Variants in COG5 observed in about 807,000 individuals in gnomAD.
COG5 encodes the protein component of oligomeric golgi complex 5.
In COG5, 86 loss-of-function variants were observed where a neutral mutation model predicts 110.4. That is an observed-to-expected ratio of 0.78 (90% CI 0.65 to 0.93). The LOEUF (loss-of-function observed/expected upper bound fraction) is 0.93, where lower values mean the gene tolerates loss of function less well. COG5 is among the 40% of genes least tolerant of loss of function. The pLI, the probability that COG5 is intolerant of heterozygous loss-of-function variation, is 0.00. For missense variants in COG5, 1,077 were observed against 987.0 expected (o/e 1.09, Z -1.22); for synonymous variants, 360 against 334.6 (o/e 1.08, Z -0.83).
At chr7:107,204,660 A>C (rs1487012482) in intron 21 of COG5, among the ~76,000 whole-genome samples, 1 of 152,200 alleles carries the variant, frequency 6.6e-6, no homozygotes, top group Non-Finnish European at 1.5e-5. Flanking sequence ...GGTTTGTTCA[A>C]GATTTTTCAT....
intron 6 of COG5, chr7:107,470,271 A>G (rs1474129908): frequency 6.6e-6 from 1 of 152,246 alleles, no homozygotes; most frequent in African/African-American, 2.4e-5. Flanking sequence ...TCCATACATT[A>G]GCAGTACTGC....
At chr7:107,401,844 A>G (rs539228418) in intron 7 of COG5, among the ~76,000 whole-genome samples, 7 of 152,210 alleles carry the variant, frequency 4.6e-5, no homozygotes, top group Non-Finnish European at 7.4e-5. Flanking sequence ...AAACATCCCA[A>G]AACAATTGCT....
intron 14 of COG5, among the ~76,000 whole-genome samples, chr7:107,268,893 G>A (rs1336275216): frequency 2.0e-5 from 3 of 152,034 alleles, no homozygotes; most frequent in Non-Finnish European, 1.5e-5. Flanking sequence ...TATGTCACAC[G>A]AAGCTGAATT....
intron 6 of COG5, among the ~76,000 whole-genome samples, chr7:107,479,871 TA>T (rs1162695552): frequency 6.6e-6 from 1 of 152,156 alleles, no homozygotes; most frequent in Non-Finnish European, 1.5e-5. Context: ...ACATATTTTC[TA>T]ACAACTATTT....
chr7:107,283,500 T>C (rs1382525647), intron 13 of COG5, 71 bp downstream of exon 13: 3 of 1,304,810 alleles, frequency 2.3e-6, no homozygotes, highest in African/African-American at 1.5e-5. Context: ...ATTAAAAAGG[T>C]ACTGCTATCA....
chr7:107,525,238 G>GTT (rs926090196), intron 6 of COG5, among the ~76,000 whole-genome samples: 3 of 142,266 alleles, frequency 2.1e-5, no homozygotes, highest in African/African-American at 7.7e-5. Flanking sequence ...GCCTGTTTTT[G>GTT]TTTTTTTTTT....
At chr7:107,540,412 TAAAAAA>T (rs762861873) in intron 5 of COG5, among the ~76,000 whole-genome samples, 2 of 126,548 alleles carry the variant, frequency 1.6e-5, no homozygotes, top group Non-Finnish European at 3.4e-5. Context: ...ATCTCTACAA[TAAAAAA>T]AAAAAAAAAA....
intron 16 of COG5, among the ~76,000 whole-genome samples, chr7:107,255,538 C>T (rs1802820443): frequency 6.6e-6 from 1 of 152,024 alleles, no homozygotes; most frequent in African/African-American, 2.4e-5. Context: ...TAATTTTCTT[C>T]CTTCTTCTGA....
At chr7:107,533,162 G>C (rs1584940349) in intron 5 of COG5, among the ~76,000 whole-genome samples, 1 of 151,386 alleles carries the variant, frequency 6.6e-6, no homozygotes, top group Admixed American at 6.6e-5. Flanking sequence ...CCATCCAAAG[G>C]TCACCAACAG....
chr7:107,552,688 A>G (rs1802999391), intron 3 of COG5, among the ~76,000 whole-genome samples: 1 of 152,224 alleles, frequency 6.6e-6, no homozygotes, highest in Non-Finnish European at 1.5e-5. Context: ...GGGAAGGTAC[A>G]GCCACTGTGG....
intron 10 of COG5, among the ~76,000 whole-genome samples, chr7:107,344,335 A>G (rs1811418932): frequency 6.6e-6 from 1 of 152,106 alleles, no homozygotes; most frequent in African/African-American, 2.4e-5. Context: ...CTTAAACCTC[A>G]TGAACTAATC....
rs1268282939 is a variant in COG5, at chr7:107,528,673, C to T, written c.418-1316G>A. Among the ~76,000 whole-genome samples, 20 of 152,172 alleles carry T rather than the reference C, an allele frequency of 1.3e-4. No individual in the cohort carries two copies. In the East Asian group the frequency reaches 3.9e-3, roughly 29 times the overall value. On this transcript the variant is annotated intron_variant, in intron 5 of 21. Coordinates refer to ENST00000297135, the MANE Select transcript of COG5 (RefSeq NM_006348.5). ...AAGGAAAGAGAGACATTCCATACTG[C>T]TGCATCACAACCATTTTTGAATGGC...
Position 107,248,465 on chromosome 7 carries a change from G to C in COG5, c.1784C>G (p.Pro595Arg), listed in dbSNP as rs1271748949. The C allele has an allele frequency of 2.5e-6, 4 of 1,610,600 alleles. No individual in the cohort carries two copies. The highest frequency in any genetic ancestry group is 1.7e-5 in the Admixed American group (1 of 59,880). ...IHALMENAVQ[P>R]LLTSVGDAIE... ...AGCATCTCCCACAGAAGTGAGTAAG[G>C]GTTGCACAGCATTTTCCATAAGAGC... The change falls in exon 17 of 22, where the codon CCC becomes CGC. Residue 595 changes from proline (P) to arginine (R), a missense_variant. Physicochemically the swap from Pro to Arg is moderately radical, Grantham distance 103. Transcript: ENST00000297135.
chr7:107,344,067 G>A (rs1182971706), intron 10 of COG5, among the ~76,000 whole-genome samples: 1 of 152,004 alleles, frequency 6.6e-6, no homozygotes, highest in Admixed American at 6.6e-5. Context: ...ATGTTACCAG[G>A]GGCATTAGAC....
intron 7 of COG5, among the ~76,000 whole-genome samples, chr7:107,380,425 T>C (rs985492667): frequency 7.9e-5 from 12 of 151,308 alleles, no homozygotes; most frequent in Non-Finnish European, 1.8e-4. Context: ...GCCAGACTAA[T>C]AAAGAAGAAA....
chr7:107,314,777 T>C (rs1281831491), intron 11 of COG5, among the ~76,000 whole-genome samples: 1 of 152,090 alleles, frequency 6.6e-6, no homozygotes, highest in East Asian at 1.9e-4. Context: ...CAAAGACTAT[T>C]GGAAGTCAAT....
intron 16 of COG5, among the ~76,000 whole-genome samples, chr7:107,250,749 C>A (rs182602282): frequency 4.6e-5 from 7 of 151,922 alleles, no homozygotes; most frequent in South Asian, 2.1e-4. Flanking sequence ...GTAAAATTGA[C>A]GGGATAGGCT....
chr7:107,296,682 A>T (rs1482958835), intron 12 of COG5, among the ~76,000 whole-genome samples: 1 of 149,466 alleles, frequency 6.7e-6, no homozygotes, highest in Non-Finnish European at 1.5e-5. Flanking sequence ...AGTAGCTGGG[A>T]TTACAAGCAT....
At chr7:107,502,599 T>A (rs1023077084) in intron 6 of COG5, among the ~76,000 whole-genome samples, 1 of 152,164 alleles carries the variant, frequency 6.6e-6, no homozygotes, top group African/African-American at 2.4e-5. Flanking sequence ...ATCTCCATAC[T>A]GTTTTCCATA....
Sources: allele counts gnomAD v4.1 joint callset (sites outside exome capture counted in the v4.1 genomes callset), GRCh38; gene constraint gnomAD v4.1.1; transcripts MANE v1.5; gene names NCBI Gene and HGNC (gene_info 2026-07-23, HGNC 2026-07-21).